Variants in RYR2 observed in about 807,000 individuals in gnomAD.
RYR2 encodes cardiac muscle ryanodine receptor-calcium release channel.
In RYR2, 227 loss-of-function variants were observed where a neutral mutation model predicts 601.1. That is an observed-to-expected ratio of 0.38 (90% CI 0.34 to 0.42). RYR2 has a LOEUF of 0.42. RYR2 is among the 10% of genes least tolerant of loss of function. RYR2 has a pLI of 1.00. For missense variants in RYR2, 4,646 were observed against 6,156.5 expected, an observed-to-expected ratio of 0.75 and a Z score of 8.21; for synonymous variants, 2,223 against 2,175.1, an observed-to-expected ratio of 1.02 and a Z score of -0.61.
intron 1 of RYR2, among the ~76,000 whole-genome samples, chr1:237,109,793 G>A (rs572536796): frequency 5.3e-5 from 8 of 151,848 alleles, no homozygotes; most frequent in African/African-American, 1.9e-4. Flanking sequence ...TTGCCAACCT[G>A]ACTACTGATA....
chr1:237,546,391 T>TTGTTG (rs1559003815), intron 25 of RYR2, among the ~76,000 whole-genome samples: 2 of 151,890 alleles, frequency 1.3e-5, no homozygotes, highest in African/African-American at 4.8e-5. Flanking sequence ...TGTTGTTGTT[T>TTGTTG]TTTTGAGACA....
Position 237,106,489 on chromosome 1 carries a change from G to A in RYR2, c.48+63920G>A, listed in dbSNP as rs534807159. Reference sequence around the variant, plus strand: ...AGACAGATGATGTTTCACCAGCTAAGATGGAGCGGTCCTGGAAAGAGTGAA... The same window carrying A: ...AGACAGATGATGTTTCACCAGCTAAAATGGAGCGGTCCTGGAAAGAGTGAA... On this transcript the variant is annotated intron_variant, in intron 1 of 104. Coordinates refer to ENST00000366574, the MANE Select transcript of RYR2 (RefSeq NM_001035.3). This position sits in a 1 kb window ranked among gnomAD's most constrained non-coding sequence, Gnocchi z 4.4. Among the ~76,000 whole-genome samples, 65 of 152,320 alleles carry A rather than the reference G, an allele frequency of 4.3e-4. 1 individual carries two copies. The highest frequency in any genetic ancestry group is 3.4e-3 in the Middle Eastern group (1 of 294).
rs747977592 is a variant in RYR2, at chr1:237,270,560, G to T, written c.112G>T (p.Ala38Ser). Residue 38 changes from alanine (A) to serine (S), a missense_variant, in exon 2 of 105, where the codon GCA becomes TCA. Coordinates refer to ENST00000366574, the MANE Select transcript of RYR2 (RefSeq NM_001035.3). The part of the protein sequence containing the change: ...IHKEQQKLCL[A>S]AEGFGNRLCF... Reference sequence around the variant, plus strand: ...CAAAGAACAACAGAAGCTATGCTTGGCAGCAGAAGGATTTGGCAACAGACT... The same window carrying T: ...CAAAGAACAACAGAAGCTATGCTTGTCAGCAGAAGGATTTGGCAACAGACT... 3.8e-6 allele frequency: 6 copies of T among 1,598,642 alleles called. No individual in the cohort carries two copies. In the East Asian group the frequency reaches 1.3e-4, roughly 36 times the overall value.
intron 3 of RYR2, among the ~76,000 whole-genome samples, chr1:237,354,964 C>A (rs369899447): frequency 2.0e-5 from 3 of 152,226 alleles, no homozygotes; most frequent in African/African-American, 7.2e-5. Context: ...CACTTTATAA[C>A]ATTTTTGAAA....
chr1:237,345,681 T>G lies in RYR2; in HGVS notation c.274-10284T>G, dbSNP rs183309507. Among the ~76,000 whole-genome samples the G allele has an allele frequency of 4.8e-3, 737 of 152,218 alleles. 7 individuals carry two copies. Among genetic ancestry groups the G allele is most frequent in the African/African-American group, 0.017 (705 of 41,564 alleles). ...CTTTCCTTATATTTATTGTGATGAC[T>G]TTTTAATCATACATTTAAACTAATA... On this transcript the variant is annotated intron_variant, in intron 3 of 104. Transcript: ENST00000366574.
At chr1:237,233,608 A>C (rs980799198) in intron 1 of RYR2, among the ~76,000 whole-genome samples, 1 of 152,166 alleles carries the variant, frequency 6.6e-6, no homozygotes, top group East Asian at 1.9e-4. Context: ...TAGCATATGC[A>C]TGTCAGTCAA....
intron 10 of RYR2, among the ~76,000 whole-genome samples, chr1:237,411,405 G>A (rs74467812): frequency 0.042 from 6,321 of 152,128 alleles, 209 homozygotes; most frequent in Non-Finnish European, 0.068. Context: ...ACGTTGTCCC[G>A]AGCGATTTTA....
intron 1 of RYR2, among the ~76,000 whole-genome samples, chr1:237,226,969 A>C (rs907758661): frequency 3.7e-4 from 56 of 152,110 alleles, no homozygotes; most frequent in Non-Finnish European, 8.8e-5. Flanking sequence ...TGGTTTCACC[A>C]TGTTGGCCAG....
chr1:237,656,232 A>G (rs1017008598), intron 53 of RYR2, among the ~76,000 whole-genome samples: 1 of 152,200 alleles, frequency 6.6e-6, no homozygotes, highest in Non-Finnish European at 1.5e-5. Flanking sequence ...TGGAATATCT[A>G]TAATAGAATT....
intron 1 of RYR2, among the ~76,000 whole-genome samples, chr1:237,247,185 G>C (rs1686939265): frequency 1.3e-5 from 2 of 152,132 alleles, no homozygotes; most frequent in Admixed American, 6.5e-5. Flanking sequence ...CTATGAGACT[G>C]CTTGAGAAGG....
chr1:237,477,860 A>G (rs1267856497), intron 17 of RYR2, among the ~76,000 whole-genome samples: 2 of 152,192 alleles, frequency 1.3e-5, no homozygotes, highest in African/African-American at 4.8e-5. Flanking sequence ...GAGGGAAGTC[A>G]TTTGCCACCC....
At chr1:237,256,561 A>G (rs1217727185) in intron 1 of RYR2, among the ~76,000 whole-genome samples, 2 of 151,954 alleles carry the variant, frequency 1.3e-5, no homozygotes, top group Non-Finnish European at 2.9e-5. Flanking sequence ...TGCTCCTCTT[A>G]ATTATTCCGT....
chr1:237,628,174 T>G, intron 41 of RYR2, 94 bp downstream of exon 41: 1 of 1,347,838 alleles, frequency 7.4e-7, no homozygotes, highest in Non-Finnish European at 1.0e-6. Flanking sequence ...GATAAAAATA[T>G]ATTGTCTGGA....
At chr1:237,828,237 G>T (rs1663385446) in intron 101 of RYR2, 144 bp from the exon 102 acceptor site, 2 of 558,954 alleles carry the variant, frequency 3.6e-6, no homozygotes. Flanking sequence ...TCTCCTAGGA[G>T]TATCGGATAT....
chr1:237,346,596 T>C (rs1698334230), intron 3 of RYR2, among the ~76,000 whole-genome samples: 1 of 152,172 alleles, frequency 6.6e-6, no homozygotes, highest in Non-Finnish European at 1.5e-5. Flanking sequence ...TGTATGAGAT[T>C]GCTGAGTTTA....
chr1:237,331,233 G>T (rs1347711700), intron 3 of RYR2, among the ~76,000 whole-genome samples: 2 of 152,072 alleles, frequency 1.3e-5, no homozygotes, highest in Non-Finnish European at 2.9e-5. Flanking sequence ...GTTTAAAACC[G>T]ACCTTTCTTT....
chr1:237,709,609 G>T, intron 70 of RYR2, 42 bp downstream of exon 70: 1 of 1,273,524 alleles, frequency 7.9e-7, no homozygotes, highest in South Asian at 1.3e-5. Context: ...ACTGTTTGTA[G>T]GCACCTGCTT....
intron 2 of RYR2, among the ~76,000 whole-genome samples, chr1:237,299,311 C>T (rs1424703213): frequency 6.6e-6 from 1 of 152,094 alleles, no homozygotes; most frequent in African/African-American, 2.4e-5. Context: ...GGCTCCCAGA[C>T]AGTGACTTTC....
At chr1:237,758,892 G>GT (rs1315707666) in intron 82 of RYR2, among the ~76,000 whole-genome samples, 7 of 152,138 alleles carry the variant, frequency 4.6e-5, no homozygotes, top group Non-Finnish European at 8.8e-5. Flanking sequence ...TTGCTTTAGC[G>GT]TTTTTTTACA....
Sources: gnomAD v4.1 joint callset for allele counts (sites outside exome capture counted in the v4.1 genomes callset) on GRCh38, gnomAD v4.1.1 for gene constraint, Gnocchi (gnomAD v3.1) non-coding constraint, MANE v1.5 for transcripts, NCBI Gene and HGNC (gene_info 2026-07-23, HGNC 2026-07-21) for gene names.